Variants in METTL24 observed in about 807,000 individuals in gnomAD.
METTL24 encodes methyltransferase like 24.
A neutral mutation model predicts 32.7 loss-of-function variants in METTL24; 29 were observed. The ratio of observed to expected loss-of-function variants is 0.89; its 90% confidence interval spans 0.66 to 1.21. The LOEUF (loss-of-function observed/expected upper bound fraction) is 1.21. Among genes scored for constraint, METTL24 ranks in the 50% most tolerant of loss-of-function variants. METTL24 has a pLI of 0.00. For missense variants in METTL24, 439 were observed against 468.1 expected (o/e 0.94, Z 0.57); for synonymous variants, 163 against 179.5 (o/e 0.91, Z 0.73).
At position 110,322,835 on chromosome 6, in the gene METTL24, C is replaced by T. The variant is rs1210445323; in HGVS notation, c.356G>A (p.Gly119Asp). 5.6e-6 allele frequency: 9 copies of T among 1,613,856 alleles called. No homozygotes were observed. The East Asian group carries it at 6.7e-5, about 12-fold the overall frequency. ...TTCTTCATCCAGGGACTGAGCAGAG[C>T]CTGCCCAAGGCTGGAGATCTATATG... Reference protein sequence around the residue: ...RWHIDLQPWAGSAQSLDEEAW... With the variant: ...RWHIDLQPWADSAQSLDEEAW... Residue 119 changes from glycine to aspartate, a missense_variant, in exon 2 of 5, where the codon GGC becomes GAC. Transcript: ENST00000338882.
intron 1 of METTL24, among the ~76,000 whole-genome samples, chr6:110,343,475 C>A (rs1378486244): frequency 2.0e-5 from 3 of 152,198 alleles, no homozygotes; most frequent in Non-Finnish European, 4.4e-5. Flanking sequence ...TTATTGAAAA[C>A]AAACACTCAC....
At chr6:110,258,805 C>T (rs1021959246) in intron 4 of METTL24, among the ~76,000 whole-genome samples, 1 of 151,874 alleles carries the variant, frequency 6.6e-6, no homozygotes, top group Non-Finnish European at 1.5e-5. Flanking sequence ...CACACACACA[C>T]ACACACACAC....
intron 4 of METTL24, among the ~76,000 whole-genome samples, chr6:110,282,129 G>T (rs1209245717): frequency 6.6e-6 from 1 of 152,066 alleles, no homozygotes; most frequent in Non-Finnish European, 1.5e-5. Flanking sequence ...AGTCCCAAGG[G>T]CACTAAAGGG....
chr6:110,270,161 G>C (rs1770929547), intron 4 of METTL24, among the ~76,000 whole-genome samples: 2 of 151,698 alleles, frequency 1.3e-5, no homozygotes, highest in Admixed American at 1.3e-4. Context: ...AGAGAGTAGA[G>C]ATAATCATTA....
chr6:110,308,081 ACAAC>A (rs1771656150), intron 3 of METTL24, among the ~76,000 whole-genome samples: 2 of 152,208 alleles, frequency 1.3e-5, no homozygotes, highest in Admixed American at 6.5e-5. Flanking sequence ...TTAAAGAAAA[ACAAC>A]CAGGATCCCT....
Position 110,295,806 on chromosome 6 carries a change from G to A in METTL24, c.786+3116C>T, listed in dbSNP as rs1179293320. On this transcript the variant is annotated intron_variant, in intron 4 of 4. Transcript: ENST00000338882. ...AAAAGAAAGAAAGAAAGGAAGGAAG[G>A]AAGGAAGGAAGGAAGGAAGGAAGGA... Among the ~76,000 whole-genome samples the A allele has an allele frequency of 8.4e-4, 124 of 146,822 alleles. 2 individuals are homozygous for A. The highest frequency in any genetic ancestry group is 3.0e-3 in the African/African-American group (121 of 40,768).
rs113928901 is a variant in METTL24 at position 110,355,945 on chromosome 6, G to A, written c.318+2010C>T. Among the ~76,000 whole-genome samples, 20 of 152,120 alleles carry A rather than the reference G, an allele frequency of 1.3e-4. 1 individual carries two copies. The highest frequency in any genetic ancestry group is 4.8e-4 in the African/African-American group (20 of 41,418). Reference sequence around the variant, plus strand: ...CACTGAGTCTATGCATTCCAAACCTGTCCTTTGTAGGACAGGCTCCAGCCA... The same window carrying A: ...CACTGAGTCTATGCATTCCAAACCTATCCTTTGTAGGACAGGCTCCAGCCA... On this transcript the variant is annotated intron_variant, in intron 1 of 4. Transcript: ENST00000338882.
At chr6:110,309,874 AACAAAAC>A (rs1771688982) in intron 3 of METTL24, among the ~76,000 whole-genome samples, 1 of 151,192 alleles carries the variant, frequency 6.6e-6, no homozygotes, top group South Asian at 2.1e-4. Context: ...AAAAAAACAA[AACAAAAC>A]AAAACAAAAC....
intron 1 of METTL24, among the ~76,000 whole-genome samples, chr6:110,355,144 T>C (rs1390028870): frequency 6.6e-6 from 1 of 152,162 alleles, no homozygotes; most frequent in Non-Finnish European, 1.5e-5. Context: ...CCTCAACTTG[T>C]ACAAAGCAAT....
intron 1 of METTL24, among the ~76,000 whole-genome samples, chr6:110,331,705 C>A (rs931539758): frequency 6.6e-6 from 1 of 151,610 alleles, no homozygotes; most frequent in Non-Finnish European, 1.5e-5. Flanking sequence ...CTGAAAGACC[C>A]CCCAAATATG....
chr6:110,303,204 A>G (rs1477663571), intron 3 of METTL24, among the ~76,000 whole-genome samples: 1 of 151,946 alleles, frequency 6.6e-6, no homozygotes, highest in Non-Finnish European at 1.5e-5. Flanking sequence ...ACACCACCAG[A>G]GCCCTGGGTT....
At chr6:110,272,519 C>T (rs1045807426) in intron 4 of METTL24, among the ~76,000 whole-genome samples, 1 of 152,164 alleles carries the variant, frequency 6.6e-6, no homozygotes, top group African/African-American at 2.4e-5. Context: ...GGTATTTCTA[C>T]TTCTAGTTCT....
At chr6:110,268,437 C>A (rs1770897808) in intron 4 of METTL24, among the ~76,000 whole-genome samples, 1 of 152,170 alleles carries the variant, frequency 6.6e-6, no homozygotes, top group South Asian at 2.1e-4. Context: ...CATAACTTAA[C>A]AGTTCCTTTG....
At chr6:110,315,256 C>T (rs1771796299) in intron 3 of METTL24, 86 bp downstream of exon 3, 1 of 1,499,338 alleles carries the variant, frequency 6.7e-7, no homozygotes, top group Middle Eastern at 1.8e-4. Context: ...CAAACTGCAA[C>T]CATTTCTAAC....
intron 1 of METTL24, among the ~76,000 whole-genome samples, chr6:110,345,402 T>C (rs1281560461): frequency 6.6e-6 from 1 of 152,174 alleles, no homozygotes; most frequent in African/African-American, 2.4e-5. Flanking sequence ...GAACTACCAT[T>C]CAACGCAGCA....
At position 110,332,462 on chromosome 6, in the gene METTL24, C is replaced by T. The variant is rs116045309; in HGVS notation, c.319-9590G>A. On this transcript the variant is annotated intron_variant, in intron 1 of 4. Coordinates refer to ENST00000338882, the MANE Select transcript of METTL24 (RefSeq NM_001123364.3). ...TACCTAGAGTGGATCCAGTGAAAGC[C>T]GAGATTTTCACTTGTTTTCATGAGG... is the stretch of plus-strand genomic sequence containing the variant. The T allele has an allele frequency of 4.0e-4, 387 of 974,246 alleles. No homozygotes were observed. The African/African-American group carries it at 5.6e-3, about 14-fold the overall frequency. The allele number at this position is 974,246 out of a possible 1,614,324, so 60.4% of individuals were successfully genotyped here. A position where few individuals can be genotyped will look rare whatever the true frequency, so the allele number is the denominator to read the frequency against.
rs569585661 is a variant in METTL24, at chr6:110,349,859, T to C, written c.318+8096A>G. 4.6e-5 allele frequency among the ~76,000 whole-genome samples: 7 copies of C among 152,332 alleles called. No individual in the cohort carries two copies. The East Asian group carries it at 9.6e-4, about 21-fold the overall frequency. On this transcript the variant is annotated intron_variant, in intron 1 of 4. Transcript: ENST00000338882. ...CCCTGGCTAGTTAAGCAGAAAAGGA[T>C]TGATTAAAGATTTATTAGCTTACAG...
chr6:110,258,415 C>T (rs1429209197), intron 4 of METTL24, among the ~76,000 whole-genome samples: 1 of 152,112 alleles, frequency 6.6e-6, no homozygotes, highest in Admixed American at 6.6e-5. Flanking sequence ...ATTCCTTATG[C>T]CTTATACTGG....
chr6:110,341,218 T>G (rs897623840), intron 1 of METTL24, among the ~76,000 whole-genome samples: 1 of 152,232 alleles, frequency 6.6e-6, no homozygotes, highest in African/African-American at 2.4e-5. Context: ...AAGGATACAA[T>G]GTTGTATGTG....
Sources: gnomAD v4.1 joint callset for allele counts (sites outside exome capture counted in the v4.1 genomes callset) on GRCh38, gnomAD v4.1.1 for gene constraint, MANE v1.5 for transcripts, NCBI Gene and HGNC (gene_info 2026-07-23, HGNC 2026-07-21) for gene names.